Variants in ENTREP2 observed in about 807,000 individuals in gnomAD.
The protein encoded by ENTREP2 is protein ENTREP2.
the ENTREP2 span, among the ~76,000 whole-genome samples, chr15:29,408,448 C>T: frequency 2.0e-5 from 3 of 152,104 alleles, no homozygotes; most frequent in East Asian, 1.9e-4. Context: ...GGATGGATGC[C>T]GGTTCCTGAT....
At chr15:29,369,479 C>A in the ENTREP2 span, among the ~76,000 whole-genome samples, 1 of 151,788 alleles carries the variant, frequency 6.6e-6, no homozygotes, top group Non-Finnish European at 1.5e-5. Context: ...AACTATCCCT[C>A]GAAAATGAAG....
At chr15:29,490,445 C>T in the ENTREP2 span, among the ~76,000 whole-genome samples, 366 of 152,270 alleles carry the variant, frequency 2.4e-3, 5 homozygotes, top group Middle Eastern at 0.01. Context: ...GCTTTTATTC[C>T]CTTGTCTGAC....
At chr15:29,495,432 T>C in the ENTREP2 span, among the ~76,000 whole-genome samples, 1 of 152,204 alleles carries the variant, frequency 6.6e-6, no homozygotes, top group Admixed American at 6.5e-5. Context: ...TTTTGTTGCT[T>C]CTGTTTTTGG....
chr15:29,182,528 AT>A, the ENTREP2 span, among the ~76,000 whole-genome samples: 1 of 152,210 alleles, frequency 6.6e-6, no homozygotes, highest in African/African-American at 2.4e-5. Context: ...TATATTAAAA[AT>A]GGTAACATTT....
chr15:29,378,814 T>C, the ENTREP2 span, among the ~76,000 whole-genome samples: 1 of 152,256 alleles, frequency 6.6e-6, no homozygotes, highest in African/African-American at 2.4e-5. Context: ...TATATCTATC[T>C]ATATCTGCCT....
chr15:29,289,074 G>A, the ENTREP2 span, among the ~76,000 whole-genome samples: 1 of 151,996 alleles, frequency 6.6e-6, no homozygotes, highest in Non-Finnish European at 1.5e-5. Flanking sequence ...GGGTGTGGTG[G>A]TGTATGCCTG....
the ENTREP2 span, among the ~76,000 whole-genome samples, chr15:29,155,796 G>C: frequency 1.3e-5 from 2 of 152,164 alleles, no homozygotes; most frequent in African/African-American, 4.8e-5. Flanking sequence ...TTGCCTGATA[G>C]TGTCTTCCTA....
the ENTREP2 span, among the ~76,000 whole-genome samples, chr15:29,621,391 C>T: frequency 2.0e-5 from 3 of 151,262 alleles, no homozygotes; most frequent in South Asian, 2.1e-4. Context: ...GGCGTGGTGG[C>T]GGGCGCCTGT....
chr15:29,522,944 C>T, the ENTREP2 span, among the ~76,000 whole-genome samples: 1 of 152,150 alleles, frequency 6.6e-6, no homozygotes, highest in Non-Finnish European at 1.5e-5. Flanking sequence ...AGGAAAAAGC[C>T]ATGGAATGAA....
chr15:29,444,203 A>AC, the ENTREP2 span, among the ~76,000 whole-genome samples: 389 of 147,114 alleles, frequency 2.6e-3, 11 homozygotes, highest in African/African-American at 9.1e-3. Flanking sequence ...AGAAAGAAAG[A>AC]AAGAAAGAAA....
the ENTREP2 span, among the ~76,000 whole-genome samples, chr15:29,207,413 C>A: frequency 7.5e-6 from 1 of 134,186 alleles, no homozygotes; most frequent in Non-Finnish European, 1.6e-5. Context: ...GAGAACAGAT[C>A]TTCCACCTCC....
chr15:29,310,988 A>C, the ENTREP2 span, among the ~76,000 whole-genome samples: 13 of 151,902 alleles, frequency 8.6e-5, no homozygotes, highest in Non-Finnish European at 1.8e-4. Context: ...AGATAATGGC[A>C]TGGGGGAAGG....
chr15:29,181,035 A>AT, the ENTREP2 span, among the ~76,000 whole-genome samples: 1 of 152,158 alleles, frequency 6.6e-6, no homozygotes, highest in African/African-American at 2.4e-5. Context: ...TTGAAAAAAA[A>AT]CTGACAAAAA....
chr15:29,156,485 G>A, the ENTREP2 span, among the ~76,000 whole-genome samples: 3 of 152,164 alleles, frequency 2.0e-5, no homozygotes, highest in African/African-American at 7.2e-5. Flanking sequence ...ACGGTGCCTA[G>A]CCCATGCAAC....
the ENTREP2 span, among the ~76,000 whole-genome samples, chr15:29,626,192 G>C: frequency 6.6e-6 from 1 of 152,068 alleles, no homozygotes; most frequent in South Asian, 2.1e-4. Flanking sequence ...TTCAAACTTT[G>C]CTATACTCAC....
the ENTREP2 span, among the ~76,000 whole-genome samples, chr15:29,572,481 C>A: frequency 6.6e-6 from 1 of 151,852 alleles, no homozygotes; most frequent in Non-Finnish European, 1.5e-5. Flanking sequence ...TTCATTCATT[C>A]ATTCATTCAT....
At chr15:29,176,565 C>CCTTT in the ENTREP2 span, among the ~76,000 whole-genome samples, 1 of 152,144 alleles carries the variant, frequency 6.6e-6, no homozygotes, top group African/African-American at 2.4e-5. Context: ...GTCACAGGAC[C>CCTTT]CTTTGCCAGA....
the ENTREP2 span, among the ~76,000 whole-genome samples, chr15:29,201,957 T>C: frequency 6.6e-6 from 1 of 152,354 alleles, no homozygotes; most frequent in East Asian, 1.9e-4. Flanking sequence ...TTAATAATTA[T>C]AGGGCTATTC....
the ENTREP2 span, among the ~76,000 whole-genome samples, chr15:29,385,095 C>A: frequency 6.6e-6 from 1 of 152,140 alleles, no homozygotes; most frequent in Admixed American, 6.5e-5. Context: ...CCACCAGAGT[C>A]CTGCAGGCAT....
Sources: allele counts gnomAD v4.1 joint callset (sites outside exome capture counted in the v4.1 genomes callset), GRCh38; gene constraint gnomAD v4.1.1; transcripts MANE v1.5; gene names NCBI Gene and HGNC (gene_info 2026-07-23, HGNC 2026-07-21).